ARSG: variants seen among roughly 807,000 people sequenced by gnomAD.
ARSG encodes ASG.
ARSG carries 37 observed loss-of-function variants against 50.5 expected under a neutral mutation model. The ratio of observed to expected loss-of-function variants is 0.73; its 90% CI spans 0.56 to 0.96. The LOEUF (loss-of-function observed/expected upper bound fraction) is 0.96. ARSG is among the 50% of genes least tolerant of loss of function. The probability of loss-of-function intolerance (pLI) is 0.00; values close to 1 mark genes in which losing one functional copy is unlikely to be tolerated. For missense variants in ARSG, 629 were observed against 675.3 expected, an observed-to-expected ratio of 0.93 and a Z score of 0.76; for synonymous variants, 225 against 254.6, an observed-to-expected ratio of 0.88 and a Z score of 1.11.
the ARSG span, among the ~76,000 whole-genome samples, chr17:68,441,997 T>C: frequency 6.6e-6 from 1 of 152,144 alleles, no homozygotes; most frequent in Non-Finnish European, 1.5e-5. Flanking sequence ...TGTTTCTCAT[T>C]TTTCTTGAGA....
chr17:68,287,831 CA>C (rs782726764), upstream of ARSG, among the ~76,000 whole-genome samples: 47 of 152,258 alleles, frequency 3.1e-4, no homozygotes, highest in Middle Eastern at 3.4e-3. Context: ...TAAAGTCATG[CA>C]CAGGTCTTTC....
intron 3 of ARSG, among the ~76,000 whole-genome samples, chr17:68,345,573 C>T (rs77415704): frequency 1.3e-5 from 2 of 152,278 alleles, no homozygotes; most frequent in East Asian, 3.9e-4. Context: ...CCAGCTGTTG[C>T]AATTATGAAC....
chr17:68,401,508 T>A lies in ARSG; in HGVS notation c.1303+58T>A. On this transcript the variant is annotated intron_variant, in intron 11 of 11. Transcript: ENST00000621439. ...CAGTCACAGCTGCACGGGGACCCCA[T>A]GGACTCTCACCCAGGCCTCTGGGAA... is the stretch of plus-strand genomic sequence containing the variant. 2.6e-6 allele frequency: 4 copies of A among 1,512,840 alleles called. 1 individual carries two copies. Among genetic ancestry groups the A allele is most frequent in the Non-Finnish European group, 3.7e-6 (4 of 1,094,072 alleles). The allele number at this position is 1,512,840 out of a possible 1,614,324, so 93.7% of individuals were successfully genotyped here.
In ARSG at chr17:68,301,193, C is replaced by G. The variant is rs148039895; in HGVS notation, c.-551-5750C>G. ...GCTGGATAGAGGCATTCAAAGATGT[C>G]TTGTGCATCTTCTGTTGAGCTTAGA... On this transcript the variant is annotated intron_variant, in intron 1 of 11. Coordinates refer to ENST00000621439, the MANE Select transcript of ARSG (RefSeq NM_001267727.2). Among the ~76,000 whole-genome samples the G allele has an allele frequency of 4.4e-4, 67 of 152,000 alleles. 1 individual carries two copies. The East Asian group carries it at 0.01, about 24-fold the overall frequency.
intron 1 of ARSG, among the ~76,000 whole-genome samples, chr17:68,273,639 C>T (rs2075415511): frequency 6.6e-6 from 1 of 152,118 alleles, no homozygotes; most frequent in Non-Finnish European, 1.5e-5. Context: ...TACAGAAATT[C>T]GTCTTACTTT....
At chr17:68,424,400 T>C, downstream of ARSG, 1 of 532,078 alleles carries the variant, frequency 1.9e-6, no homozygotes, top group Non-Finnish European at 3.9e-6. Flanking sequence ...ACTAGAGGGT[T>C]CCACGGATCT....
chr17:68,357,496 A>G (rs1039919427), intron 6 of ARSG, among the ~76,000 whole-genome samples: 11 of 152,324 alleles, frequency 7.2e-5, no homozygotes, highest in Admixed American at 2.0e-4. Context: ...GTCCACCAGG[A>G]GAATCCAAGG....
intron 11 of ARSG, among the ~76,000 whole-genome samples, chr17:68,408,577 A>T (rs1490020974): frequency 6.6e-6 from 1 of 152,108 alleles, no homozygotes; most frequent in East Asian, 1.9e-4. Flanking sequence ...TAATGCTGCA[A>T]TAAACATACG....
chr17:68,385,193 T>G (rs1269477402), intron 9 of ARSG, 21 bp downstream of exon 9: 32 of 1,605,970 alleles, frequency 2.0e-5, no homozygotes, highest in Middle Eastern at 3.3e-4. Flanking sequence ...AAAACTACCT[T>G]GAGATGTTGG....
chr17:68,396,905 G>A (rs1027557415), intron 10 of ARSG, among the ~76,000 whole-genome samples: 2 of 152,172 alleles, frequency 1.3e-5, no homozygotes, highest in African/African-American at 4.8e-5. Flanking sequence ...GATGGTTTCC[G>A]CCTTGAGGTT....
At chr17:68,441,200 C>T in the ARSG span, 1 of 152,222 alleles carries the variant, frequency 6.6e-6, no homozygotes, top group Non-Finnish European at 1.5e-5. Context: ...AGGAAATTAA[C>T]TTCGAGCCCC....
Position 68,370,579 on chromosome 17 carries a change from G to A in ARSG, c.982+55G>A, listed in dbSNP as rs142081339. On this transcript the variant is annotated intron_variant, in intron 8 of 11. Transcript: ENST00000621439. ...CCATTGCAATGCTGAGCCCAGGCTG[G>A]GGTGTGGGATTCTGCCTCCGGGTGG... 1.5e-5 allele frequency: 23 copies of A among 1,554,748 alleles called. No homozygotes were observed. The African/African-American group carries it at 2.7e-4, about 18-fold the overall frequency.
chr17:68,414,283 T>C lies in ARSG; in HGVS notation c.1304-5906T>C, dbSNP rs564228495. Reference sequence around the variant, plus strand: ...CATCTATTGAGATGACCATGTGATTTTTGTTTTTAATTCTGTTTATGTGGT... The same window carrying C: ...CATCTATTGAGATGACCATGTGATTCTTGTTTTTAATTCTGTTTATGTGGT... On this transcript the variant is annotated intron_variant, in intron 11 of 11. Coordinates refer to ENST00000621439, the MANE Select transcript of ARSG (RefSeq NM_001267727.2). 4 of 152,358 alleles carry C rather than the reference T, an allele frequency of 2.6e-5. No individual in the cohort carries two copies. In the East Asian group the frequency reaches 7.7e-4, roughly 29 times the overall value. The allele number at this position is 152,358 out of a possible 1,614,324, so 9.4% of individuals were successfully genotyped here.
rs1004292249 is a variant in ARSG at position 68,396,552 on chromosome 17, G to A, written c.1212+1359G>A. Among the ~76,000 whole-genome samples, 43 of 152,296 alleles carry A rather than the reference G, an allele frequency of 2.8e-4. 1 individual carries two copies. The highest frequency in any genetic ancestry group is 1.0e-3 in the African/African-American group (42 of 41,554). Reference sequence around the variant, plus strand: ...AGGAGCACAGAGTCCCCTCTGCAACGCCCTACAAATGCATGGCTTCTTGGT... The same window carrying A: ...AGGAGCACAGAGTCCCCTCTGCAACACCCTACAAATGCATGGCTTCTTGGT... On this transcript the variant is annotated intron_variant, in intron 10 of 11. Transcript: ENST00000621439.
rs190183630 is a variant in ARSG at position 68,386,973 on chromosome 17, C to T, written c.1091+1801C>T. ...TAATACCAACACACCGTATCGGTACCTCCTAGGAGATACATTAGGTTGGTG... is the reference window on the plus strand; with the variant it reads ...TAATACCAACACACCGTATCGGTACTTCCTAGGAGATACATTAGGTTGGTG... On this transcript the variant is annotated intron_variant, in intron 9 of 11. Transcript: ENST00000621439. 1.6e-4 allele frequency among the ~76,000 whole-genome samples: 25 copies of T among 151,996 alleles called. No individual in the cohort carries two copies. The East Asian group carries it at 4.5e-3, about 27-fold the overall frequency.
intron 3 of ARSG, among the ~76,000 whole-genome samples, chr17:68,345,152 C>T (rs1232899995): frequency 6.6e-6 from 1 of 152,202 alleles, no homozygotes; most frequent in Non-Finnish European, 1.5e-5. Context: ...ACTCTCCTTA[C>T]TAGGCCAGTT....
intron 1 of ARSG, among the ~76,000 whole-genome samples, chr17:68,306,263 A>G (rs2076605324): frequency 6.6e-6 from 1 of 151,990 alleles, no homozygotes; most frequent in African/African-American, 2.4e-5. Flanking sequence ...TGACCTCCCA[A>G]AGTGCTGGGA....
chr17:68,436,772 G>A, the ARSG span, among the ~76,000 whole-genome samples: 123 of 152,174 alleles, frequency 8.1e-4, no homozygotes, highest in Non-Finnish European at 1.6e-3. Flanking sequence ...TGAGGCGGGC[G>A]GATCACTTGA....
Position 68,384,965 on chromosome 17 carries a change from G to A in ARSG, c.983-99G>A, listed in dbSNP as rs2080628033. The A allele has an allele frequency of 8.7e-6, 8 of 918,744 alleles. No individual in the cohort carries two copies. The South Asian group carries it at 1.1e-4, about 12-fold the overall frequency. 56.9% of individuals were successfully genotyped at this position (918,744 alleles called of 1,614,324 possible). On this transcript the variant is annotated intron_variant, in intron 8 of 11. Transcript: ENST00000621439. ...AGTCATTCCTTTGTTGGGGTTATTG[G>A]AAACTCAGAGAGGGGTTCTCCCAGA...
Sources: allele counts gnomAD v4.1 joint callset (sites outside exome capture counted in the v4.1 genomes callset), GRCh38; gene constraint gnomAD v4.1.1; transcripts MANE v1.5; gene names NCBI Gene and HGNC (gene_info 2026-07-23, HGNC 2026-07-21).